SOX5: variants seen among roughly 807,000 people sequenced by gnomAD.
SOX5 encodes transcription factor SOX-5.
In SOX5, 9 loss-of-function variants were observed where a neutral mutation model predicts 92.0. That is an observed-to-expected ratio of 0.10 (90% CI 0.06 to 0.17). SOX5 has a LOEUF of 0.17. Ranked by LOEUF, SOX5 falls within the 10% of genes least tolerant of loss-of-function variation. The pLI, the probability that SOX5 is intolerant of heterozygous loss-of-function variation, is 1.00. For synonymous variants in SOX5, 344 were observed against 336.3 expected, an observed-to-expected ratio of 1.02 and a Z score of -0.25; for missense variants, 642 against 944.5, an observed-to-expected ratio of 0.68 and a Z score of 4.20.
chr12:23,674,955 T>A (rs1656862979), intron 6 of SOX5, among the ~76,000 whole-genome samples: 1 of 152,086 alleles, frequency 6.6e-6, no homozygotes, highest in African/African-American at 2.4e-5. Context: ...GTTAATTTCT[T>A]AATACACCCT....
rs758909462 is a variant in SOX5, at chr12:24,393,515, G to C, written c.-250-24876C>G. ...CCCACCCCAAAATAAGTAGGTATCT[G>C]AATAATGAGATCTGTAAAATTGATT... On this transcript the variant is annotated intron_variant, in intron 1 of 4. Coordinates refer to the SOX5 transcript ENST00000446891. This position sits in a 1 kb window ranked among gnomAD's most constrained non-coding sequence, Gnocchi z 5.0. Among the ~76,000 whole-genome samples the C allele has an allele frequency of 2.1e-4, 32 of 152,170 alleles. No homozygotes were observed. The highest frequency in any genetic ancestry group is 4.3e-4 in the Non-Finnish European group (29 of 68,040).
chr12:24,445,023 C>T (rs1941250089), intron 1 of SOX5, among the ~76,000 whole-genome samples: 1 of 152,216 alleles, frequency 6.6e-6, no homozygotes, highest in Non-Finnish European at 1.5e-5. Flanking sequence ...TCTGTACCAT[C>T]TGAAAGAACT....
chr12:23,954,143 TTAAG>T (rs1401914791), upstream of SOX5, among the ~76,000 whole-genome samples: 1 of 152,068 alleles, frequency 6.6e-6, no homozygotes, highest in Non-Finnish European at 1.5e-5. Flanking sequence ...ATCAGAATCA[TTAAG>T]TATCTTCTAT....
At chr12:23,550,999 G>A (rs1043740090) in intron 11 of SOX5, among the ~76,000 whole-genome samples, 3 of 151,836 alleles carry the variant, frequency 2.0e-5, no homozygotes, top group Admixed American at 6.6e-5. Flanking sequence ...GATGAGCTTC[G>A]CTCTCCACCA....
At chr12:24,116,043 G>T (rs1349911045) in intron 4 of SOX5, among the ~76,000 whole-genome samples, 1 of 152,058 alleles carries the variant, frequency 6.6e-6, no homozygotes, top group East Asian at 1.9e-4. Flanking sequence ...AAATTTAAAA[G>T]ATAATCGATT....
At chr12:24,056,894 G>A (rs1958172430) in intron 4 of SOX5, among the ~76,000 whole-genome samples, 1 of 141,054 alleles carries the variant, frequency 7.1e-6, no homozygotes, top group Non-Finnish European at 1.5e-5. Context: ...AGAATGGCGT[G>A]AACCCGGGAG....
At chr12:24,415,372 C>T (rs1397037224) in intron 1 of SOX5, among the ~76,000 whole-genome samples, 2 of 152,130 alleles carry the variant, frequency 1.3e-5, no homozygotes. Flanking sequence ...TGAATGTAAA[C>T]TCTGAGATAA....
At chr12:23,937,370 G>A (rs1942804314) in intron 1 of SOX5, among the ~76,000 whole-genome samples, 2 of 150,610 alleles carry the variant, frequency 1.3e-5, no homozygotes, top group South Asian at 2.1e-4. Context: ...AAATGAAATG[G>A]GTCAAACAAT....
chr12:23,915,821 A>G (rs747466229), intron 1 of SOX5, among the ~76,000 whole-genome samples: 1 of 152,218 alleles, frequency 6.6e-6, no homozygotes, highest in Non-Finnish European at 1.5e-5. Context: ...CGAAACTGCT[A>G]TTCACATAAA....
At chr12:24,504,475 C>T (rs112237112) in intron 1 of SOX5, among the ~76,000 whole-genome samples, 3,364 of 152,202 alleles carry the variant, frequency 0.022, 46 homozygotes, top group Middle Eastern at 0.075. Context: ...CAACAAAATA[C>T]GCAAATCTAC....
intron 6 of SOX5, among the ~76,000 whole-genome samples, chr12:23,675,461 C>T (rs1566905241): frequency 6.6e-6 from 1 of 152,114 alleles, no homozygotes; most frequent in African/African-American, 2.4e-5. Flanking sequence ...AGGATAGTCT[C>T]TTCAATAAAT....
upstream of SOX5, among the ~76,000 whole-genome samples, chr12:23,954,514 A>G (rs74771176): frequency 8.4e-3 from 1,279 of 152,136 alleles, 22 homozygotes; most frequent in African/African-American, 0.029. Flanking sequence ...TCTGTGAGTC[A>G]TTCACCAGAT....
rs1458175634 is a variant in SOX5, at chr12:23,908,522, T to C, written c.39-12498A>G. ...CTGTTTCTACAGCAGCTGTTGAAAA[T>C]GTACAAAGTAGAAAATATTTATGTT... On this transcript the variant is annotated intron_variant, in intron 1 of 14. Transcript: ENST00000451604. Among the ~76,000 whole-genome samples the C allele has an allele frequency of 5.3e-5, 8 of 151,642 alleles. No individual in the cohort carries two copies. The South Asian group carries it at 1.0e-3, about 20-fold the overall frequency.
chr12:24,124,309 A>T (rs957540285), intron 4 of SOX5, among the ~76,000 whole-genome samples: 1 of 152,164 alleles, frequency 6.6e-6, no homozygotes, highest in Admixed American at 6.5e-5. Flanking sequence ...AATTACTTGG[A>T]AAGCAGAATG....
chr12:24,294,513 C>T (rs1486590518), intron 2 of SOX5, among the ~76,000 whole-genome samples: 4 of 152,152 alleles, frequency 2.6e-5, no homozygotes, highest in South Asian at 2.1e-4. Context: ...ATGTGAATAC[C>T]TCCATGCAAA....
At chr12:24,378,412 A>C (rs1009558179) in intron 1 of SOX5, among the ~76,000 whole-genome samples, 1 of 152,210 alleles carries the variant, frequency 6.6e-6, no homozygotes, top group Non-Finnish European at 1.5e-5. Context: ...ATAATTTGCA[A>C]TTCAAACAGT....
rs71063308 is a variant in SOX5 at position 24,320,864 on chromosome 12, C to CAA, written c.-173-43554_-173-43553dup. On this transcript the variant is annotated intron_variant, in intron 2 of 4. Coordinates refer to the SOX5 transcript ENST00000446891. ...TGGGCGACAGAGCAAGACTCTGTCT[C>CAA]AAAAAAAAATAATAATAATAATAAT... Among the ~76,000 whole-genome samples the CAA allele has an allele frequency of 5.6e-3, 755 of 135,666 alleles. 10 individuals carry two copies. Among genetic ancestry groups the CAA allele is most frequent in the African/African-American group, 0.018 (666 of 36,252 alleles). 89.0% of individuals were successfully genotyped at this position (135,666 alleles called of 152,430 possible).
chr12:23,704,170 C>T (rs543394385), intron 6 of SOX5, among the ~76,000 whole-genome samples: 3 of 151,914 alleles, frequency 2.0e-5, no homozygotes, highest in East Asian at 1.9e-4. Flanking sequence ...CATCTTCTAA[C>T]GCTTGTGTGT....
At chr12:23,764,530 C>T (rs2094652840) in intron 3 of SOX5, among the ~76,000 whole-genome samples, 1 of 151,992 alleles carries the variant, frequency 6.6e-6, no homozygotes, top group Non-Finnish European at 1.5e-5. Flanking sequence ...TTCTGAGCAA[C>T]TTATATATGC....
Sources: gnomAD v4.1 joint callset for allele counts (sites outside exome capture counted in the v4.1 genomes callset) on GRCh38, gnomAD v4.1.1 for gene constraint, Gnocchi (gnomAD v3.1) non-coding constraint, MANE v1.5 for transcripts, NCBI Gene and HGNC (gene_info 2026-07-23, HGNC 2026-07-21) for gene names.